The following NPC1L1 variants were observed in gnomAD, a reference collection of about 807,000 sequenced individuals.
NPC1L1 encodes the protein NPC1 like intracellular cholesterol transporter 1.
A neutral mutation model predicts 117.0 loss-of-function variants in NPC1L1; 98 were observed. The observed-to-expected ratio is 0.84, with a 90% CI of 0.71 to 0.99. The LOEUF (loss-of-function observed/expected upper bound fraction) is 0.99, where lower values mean the gene tolerates loss of function less well. NPC1L1 is among the 50% of genes least tolerant of loss of function. NPC1L1 has a pLI of 0.00. For synonymous variants in NPC1L1, 729 were observed against 727.6 expected (o/e 1.00, Z -0.03); for missense variants, 1,540 against 1,710.0 (o/e 0.90, Z 1.75).
chr7:44,517,532 T>G (rs1298689866), intron 14 of NPC1L1, among the ~76,000 whole-genome samples, 175 bp from the exon 15 acceptor site: 2 of 152,138 alleles, frequency 1.3e-5, no homozygotes, highest in Admixed American at 6.5e-5. Flanking sequence ...ATATTTTTGT[T>G]TTGCACCAGC....
At chr7:44,532,046 GC>G (rs761064091) in intron 9 of NPC1L1, 33 bp downstream of exon 9, 1 of 1,614,006 alleles carries the variant, frequency 6.2e-7, no homozygotes, top group East Asian at 2.2e-5. Flanking sequence ...CCCACCTAGT[GC>G]CCCTGCTCTC....
chr7:44,524,429 C>A (rs1055969633), intron 10 of NPC1L1, among the ~76,000 whole-genome samples: 1 of 152,026 alleles, frequency 6.6e-6, no homozygotes, highest in East Asian at 1.9e-4. Context: ...TGGGTAAGAC[C>A]AGACAGCAGA....
At chr7:44,525,103 G>GT (rs1446031959) in intron 10 of NPC1L1, among the ~76,000 whole-genome samples, 1 of 152,084 alleles carries the variant, frequency 6.6e-6, no homozygotes, top group African/African-American at 2.4e-5. Context: ...AATATGAATT[G>GT]TAAGAATTCC....
chr7:44,539,359 C>G lies in NPC1L1; in HGVS notation c.1038G>C (p.Thr346=). 2 of 1,613,424 alleles carry G rather than the reference C, an allele frequency of 1.2e-6. No homozygotes were observed. The highest frequency in any genetic ancestry group is 1.7e-6 in the Non-Finnish European group (2 of 1,179,430). Reference sequence around the variant, plus strand: ...TGGTCAGAGGCCACGAAGCCACCCACGTGCCCCAGCCCTGGAAGAACTGGC... The same window carrying G: ...TGGTCAGAGGCCACGAAGCCACCCAGGTGCCCCAGCCCTGGAAGAACTGGC... ...LLGQFFQGWG[T]WVASWPLTIL... Residue 346 remains threonine (T), a synonymous_variant, in exon 2 of 19, where the codon ACG becomes ACC. Coordinates refer to ENST00000381160, the MANE Select transcript of NPC1L1 (RefSeq NM_001101648.2). This position sits in a 1 kb window ranked among gnomAD's most constrained non-coding sequence, Gnocchi z 4.4.
chr7:44,530,900 G>A (rs189902628), intron 10 of NPC1L1, among the ~76,000 whole-genome samples: 8 of 152,062 alleles, frequency 5.3e-5, no homozygotes, highest in African/African-American at 7.2e-5. Context: ...TACCCCAGCC[G>A]CACCCCACTC....
rs565625766 is a variant in NPC1L1, at chr7:44,530,339, A to AAAAT, written c.2637+1412_2637+1415dup. Among the ~76,000 whole-genome samples the AAAAT allele has an allele frequency of 2.1e-4, 32 of 152,322 alleles. No homozygotes were observed. In the South Asian group the frequency reaches 6.2e-3, roughly 30 times the overall value. Reference sequence around the variant, plus strand: ...GGCAACAAGAGTGAAACTCTGTTTCAAAATAAATAAATAAATAAAAGGTGG... The same window carrying AAAAT: ...GGCAACAAGAGTGAAACTCTGTTTCAAAATAAATAAATAAATAAATAAAAGGTGG... On this transcript the variant is annotated intron_variant, in intron 10 of 18. Transcript: ENST00000381160.
chr7:44,536,863 G>C lies in NPC1L1; in HGVS notation c.1660C>G (p.Leu554Val). The change falls in exon 3 of 19, where the codon CTT becomes GTT. Residue 554 changes from leucine to valine, a missense_variant. Physicochemically the swap from Leu to Val is conservative, Grantham distance 32. Coordinates refer to ENST00000381160, the MANE Select transcript of NPC1L1 (RefSeq NM_001101648.2). This position sits in a 1 kb window ranked among gnomAD's most constrained non-coding sequence, Gnocchi z 4.7. ...ADYGAPVFPF[L>V]AIGGYKGKDY... is the part of the protein sequence containing the mutation. ...TTACCTTTGTACCCCCCAATGGCAA[G>C]GAAGGGGAAGACAGGGGCCCCGTAG... 9.3e-6 allele frequency: 15 copies of C among 1,614,074 alleles called. No individual in the cohort carries two copies. The highest frequency in any genetic ancestry group is 1.7e-4 in the Middle Eastern group (1 of 6,060).
At position 44,539,377 on chromosome 7, in the gene NPC1L1, G is replaced by A; in HGVS notation, c.1020C>T (p.Phe340=). 1 of 1,613,760 alleles carries A rather than the reference G, an allele frequency of 6.2e-7. No homozygotes were observed. ...SFSTHTLLGQ[F]FQGWGTWVAS... ...CCACCCACGTGCCCCAGCCCTGGAA[G>A]AACTGGCCAAGGAGGGTGTGGGTGG... The change falls in exon 2 of 19, where the codon TTC becomes TTT. Residue 340 remains phenylalanine, a synonymous_variant. Transcript: ENST00000381160. This position sits in a 1 kb window ranked among gnomAD's most constrained non-coding sequence, Gnocchi z 4.4.
At position 44,539,943 on chromosome 7, in the gene NPC1L1, C is replaced by G; in HGVS notation, c.454G>C (p.Ala152Pro). Residue 152 changes from alanine to proline, a missense_variant, in exon 2 of 19, where the codon GCT (alanine) becomes CCT (proline). By Grantham distance (27) the Ala-to-Pro change is conservative. Around this residue, in one of 3 missense-constraint regions of NPC1L1, gnomAD observed 793 missense variants for 820.4 expected, o/e 0.97. Transcript: ENST00000381160. This position sits in a 1 kb window ranked among gnomAD's most constrained non-coding sequence, Gnocchi z 4.4. The stretch of plus-strand genomic sequence containing the variant: ...TAGAAGGCCTCATAGGCCACCACAG[C>G]TGGGAGTTGTCCAGCCCCTAGCTGG... Reference protein sequence around the residue: ...VAQLGAGQLPAVVAYEAFYQH... With the variant: ...VAQLGAGQLPPVVAYEAFYQH... The G allele has an allele frequency of 6.2e-7, 1 of 1,614,248 alleles. No homozygotes were observed. The highest frequency in any genetic ancestry group is 8.5e-7 in the Non-Finnish European group (1 of 1,180,048).
In NPC1L1 at chr7:44,539,576, G is replaced by T. The variant is rs948383472; in HGVS notation, c.821C>A (p.Ser274Tyr). The change falls in exon 2 of 19, where the codon TCC (serine) becomes TAC (tyrosine). Residue 274 changes from serine (S) to tyrosine (Y), a missense_variant. Ser to Tyr is a moderately radical substitution (Grantham distance 144). Around this residue, in one of 3 missense-constraint regions of NPC1L1, gnomAD observed 793 missense variants for 820.4 expected, o/e 0.97. Coordinates refer to ENST00000381160, the MANE Select transcript of NPC1L1 (RefSeq NM_001101648.2). This position sits in a 1 kb window ranked among gnomAD's most constrained non-coding sequence, Gnocchi z 4.4. ...CGGCATCTGGCCCAGGTAGAAGGTGGAGTCGAGGGCCTGGGGGCGGGCTAT... is the reference window on the plus strand; with the variant it reads ...CGGCATCTGGCCCAGGTAGAAGGTGTAGTCGAGGGCCTGGGGGCGGGCTAT... ...PAIARPQALDSTFYLGQMPGS... is the reference protein window; with the variant it reads ...PAIARPQALDYTFYLGQMPGS... The T allele has an allele frequency of 6.2e-7, 1 of 1,613,992 alleles. No homozygotes were observed. The highest frequency in any genetic ancestry group is 1.3e-5 in the African/African-American group (1 of 74,948).
intron 10 of NPC1L1, among the ~76,000 whole-genome samples, chr7:44,529,568 G>A (rs1801633771): frequency 6.6e-6 from 1 of 151,332 alleles, no homozygotes; most frequent in African/African-American, 2.4e-5. Flanking sequence ...AGTAGAGATG[G>A]GGTTTCTCCA....
chr7:44,520,722 G>A (rs777317433), intron 14 of NPC1L1, 43 bp downstream of exon 14: 17 of 1,584,916 alleles, frequency 1.1e-5, no homozygotes, highest in Non-Finnish European at 1.4e-5. Context: ...GCCCTCCAGA[G>A]CAACCGATTT....
At chr7:44,529,792 T>C (rs1305341299) in intron 10 of NPC1L1, among the ~76,000 whole-genome samples, 1 of 151,812 alleles carries the variant, frequency 6.6e-6, no homozygotes, top group Non-Finnish European at 1.5e-5. Flanking sequence ...TCCCAGCACT[T>C]TGGGAGGGCA....
chr7:44,534,611 G>C lies in NPC1L1; in HGVS notation c.2002C>G (p.Leu668Val), dbSNP rs527467198. The C allele has an allele frequency of 1.2e-6, 2 of 1,613,926 alleles. No homozygotes were observed. Among genetic ancestry groups the C allele is most frequent in the South Asian group, 1.1e-5 (1 of 91,080 alleles). Residue 668 changes from leucine to valine, a missense_variant, in exon 6 of 19, where the codon CTG becomes GTG. Coordinates refer to ENST00000381160, the MANE Select transcript of NPC1L1 (RefSeq NM_001101648.2). The surrounding 1 kb of genome is among the most constrained non-coding windows in gnomAD (Gnocchi z 5.2). ...ACCACGGCCACCCCGCCGAGGCCCA[G>C]CGTGGCCTTGGAGTCCACCTGCAAT... is the stretch of plus-strand genomic sequence containing the variant. ...SRVMVDSKAT[L>V]GLGGVAVVLG...
intron 1 of NPC1L1, 95 bp from the exon 2 acceptor site, chr7:44,540,437 A>C: frequency 9.0e-7 from 1 of 1,114,198 alleles, no homozygotes; most frequent in Non-Finnish European, 1.3e-6. Flanking sequence ...TAAGAAGGAC[A>C]TGGAGCAGGG....
At chr7:44,532,523 C>G (rs1801738858) in intron 8 of NPC1L1, among the ~76,000 whole-genome samples, 1 of 152,198 alleles carries the variant, frequency 6.6e-6, no homozygotes, top group Admixed American at 6.5e-5. Flanking sequence ...ACCTCTGCCG[C>G]CCCTGAAACA....
chr7:44,536,295 A>T lies in NPC1L1; in HGVS notation c.1815T>A (p.Arg605=). Residue 605 remains arginine, a synonymous_variant, in exon 4 of 19, where the codon CGT becomes CGA. Coordinates refer to ENST00000381160, the MANE Select transcript of NPC1L1 (RefSeq NM_001101648.2). The surrounding 1 kb of genome is among the most constrained non-coding windows in gnomAD (Gnocchi z 4.7). The part of the protein sequence containing the change: ...AFLEEMRAFQ[R]RMAGMFQVTF... Reference sequence around the variant, plus strand: ...TGACCTGGAACATGCCAGCCATCCGACGCTGGAAGGCTCGCATTTCCTCTA... The same window carrying T: ...TGACCTGGAACATGCCAGCCATCCGTCGCTGGAAGGCTCGCATTTCCTCTA... 1 of 1,614,186 alleles carries T rather than the reference A, an allele frequency of 6.2e-7. No homozygotes were observed. Among genetic ancestry groups the T allele is most frequent in the Non-Finnish European group, 8.5e-7 (1 of 1,180,016 alleles).
At chr7:44,514,002 C>T (rs1290429498) in intron 18 of NPC1L1, among the ~76,000 whole-genome samples, 1 of 152,170 alleles carries the variant, frequency 6.6e-6, no homozygotes, top group African/African-American at 2.4e-5. Flanking sequence ...AGGGAGTCCC[C>T]ACAAGAGACA....
rs2117074598 is a variant in NPC1L1 at position 44,536,903 on chromosome 7, C to T, written c.1620G>A (p.Leu540=). Residue 540 remains leucine (L), a synonymous_variant, in exon 3 of 19, where the codon CTG becomes CTA. Coordinates refer to ENST00000381160, the MANE Select transcript of NPC1L1 (RefSeq NM_001101648.2). This position sits in a 1 kb window ranked among gnomAD's most constrained non-coding sequence, Gnocchi z 4.7. ...GGGCCCCGTAGTCAGCCATGCAGCTCAGGGCCAGGGCTGTGCCATCCTTGA... is the reference window on the plus strand; with the variant it reads ...GGGCCCCGTAGTCAGCCATGCAGCTTAGGGCCAGGGCTGTGCCATCCTTGA... ...LTFKDGTALA[L]SCMADYGAPV... is the part of the protein sequence containing the mutation. 1 of 1,614,066 alleles carries T rather than the reference C, an allele frequency of 6.2e-7. No individual in the cohort carries two copies. The highest frequency in any genetic ancestry group is 8.5e-7 in the Non-Finnish European group (1 of 1,179,990).
Sources: gnomAD v4.1 joint callset for allele counts (sites outside exome capture counted in the v4.1 genomes callset) on GRCh38, gnomAD v4.1.1 for gene constraint, gnomAD v4.1.1 regional missense constraint, Gnocchi (gnomAD v3.1) non-coding constraint, MANE v1.5 for transcripts, NCBI Gene and HGNC (gene_info 2026-07-23, HGNC 2026-07-21) for gene names.